The following LATS2 variants were observed in gnomAD, a reference collection of about 807,000 sequenced individuals.
LATS2 encodes serine/threonine-protein kinase LATS2.
Under a neutral mutation model 76.0 loss-of-function variants are expected in LATS2, and 24 were observed. The observed-to-expected ratio is 0.32, with a 90% CI of 0.23 to 0.44. LATS2 has a LOEUF of 0.44. LATS2 is among the 20% of genes least tolerant of loss of function. The pLI is 1.00. For missense variants in LATS2, 1,286 were observed against 1,481.2 expected, an observed-to-expected ratio of 0.87 and a Z score of 2.16; for synonymous variants, 692 against 635.4, an observed-to-expected ratio of 1.09 and a Z score of -1.34.
intron 2 of LATS2, among the ~76,000 whole-genome samples, chr13:20,993,351 T>C (rs1439142940): frequency 6.6e-6 from 1 of 152,224 alleles, no homozygotes; most frequent in Non-Finnish European, 1.5e-5. Context: ...AAGCACTTAT[T>C]GTCCATATAT....
chr13:20,989,697 G>T (rs1358047790), intron 3 of LATS2, among the ~76,000 whole-genome samples: 1 of 152,206 alleles, frequency 6.6e-6, no homozygotes. Context: ...GTGGGGGGCT[G>T]AGTTTACCGA....
chr13:20,983,279 A>G lies in LATS2; in HGVS notation c.2427T>C (p.Asp809=). Residue 809 remains aspartate (D), a synonymous_variant, in exon 5 of 8, where the codon GAT becomes GAC. Transcript: ENST00000382592. Reference sequence around the variant, plus strand: ...ACCTGAACCCAGTGCAGAGGCCGAAATCTGTGAGTTTAATGTGACCATCCA... The same window carrying G: ...ACCTGAACCCAGTGCAGAGGCCGAAGTCTGTGAGTTTAATGTGACCATCCA... ...IDLDGHIKLT[D]FGLCTGFRWT... is the part of the protein sequence containing the mutation. The G allele has an allele frequency of 6.2e-7, 1 of 1,613,958 alleles. No individual in the cohort carries two copies. Among genetic ancestry groups the G allele is most frequent in the Admixed American group, 1.7e-5 (1 of 59,986 alleles).
intron 4 of LATS2, among the ~76,000 whole-genome samples, chr13:20,986,803 T>C (rs1460203460): frequency 6.6e-6 from 1 of 152,194 alleles, no homozygotes; most frequent in African/African-American, 2.4e-5. Context: ...CACCAGGCAA[T>C]GGATACTCTA....
At chr13:21,029,835 G>A (rs750425852) in intron 2 of LATS2, among the ~76,000 whole-genome samples, 5 of 151,920 alleles carry the variant, frequency 3.3e-5, no homozygotes, top group Non-Finnish European at 7.4e-5. Flanking sequence ...AGTGGCTCAC[G>A]CCTGTAATCC....
At chr13:21,051,382 A>G (rs78602597) in intron 1 of LATS2, among the ~76,000 whole-genome samples, 2,349 of 152,322 alleles carry the variant, frequency 0.015, 74 homozygotes, top group African/African-American at 0.054. Flanking sequence ...ATGTGTCACA[A>G]TGAAAGTTTG....
chr13:21,049,754 G>T (rs1315785689), intron 1 of LATS2, among the ~76,000 whole-genome samples: 1 of 152,186 alleles, frequency 6.6e-6, no homozygotes, highest in East Asian at 1.9e-4. Flanking sequence ...GCAGAGCAAA[G>T]GGAGTTGGGG....
At chr13:20,999,863 CA>C (rs34389397) in intron 2 of LATS2, among the ~76,000 whole-genome samples, 65 of 136,170 alleles carry the variant, frequency 4.8e-4, no homozygotes, top group African/African-American at 9.5e-4. Flanking sequence ...ACTAAACATA[CA>C]AAAAAAAAAA....
At chr13:21,060,441 C>T (rs988595982) in intron 1 of LATS2, among the ~76,000 whole-genome samples, 6 of 152,248 alleles carry the variant, frequency 3.9e-5, no homozygotes, top group African/African-American at 1.4e-4. Flanking sequence ...CGCGTGGCCA[C>T]GAAAGCGCTC....
chr13:21,048,516 T>C (rs1333906209), intron 1 of LATS2, among the ~76,000 whole-genome samples: 1 of 152,118 alleles, frequency 6.6e-6, no homozygotes, highest in Admixed American at 6.6e-5. Flanking sequence ...ACCCTCTACC[T>C]ACCATACAAA....
rs188718735 is a variant in LATS2, at chr13:20,979,639, T to G, written c.2772+52A>C. 1.4e-5 allele frequency: 14 copies of G among 983,682 alleles called. No individual in the cohort carries two copies. In the African/African-American group the frequency reaches 2.2e-4, roughly 16 times the overall value. The allele number at this position is 983,682 out of a possible 1,614,324, so 60.9% of individuals were successfully genotyped here. ...TGCTGACCAAAGATTCATGGGTACA[T>G]GAGCAAATCAGATGTCTACAGCAAG... On this transcript the variant is annotated intron_variant, in intron 7 of 7. Transcript: ENST00000382592.
At chr13:21,040,112 C>G in intron 2 of LATS2, among the ~76,000 whole-genome samples, 1 of 151,498 alleles carries the variant, frequency 6.6e-6, no homozygotes, top group Non-Finnish European at 1.5e-5. Context: ...TCTGACCAGG[C>G]ATGGTGGCCC....
chr13:21,058,817 C>T (rs1005532021), intron 1 of LATS2, among the ~76,000 whole-genome samples: 1 of 152,056 alleles, frequency 6.6e-6, no homozygotes, highest in African/African-American at 2.4e-5. Context: ...TCTATACCTG[C>T]ATGAGACAAA....
rs1870004558 is a variant in LATS2, at chr13:20,983,620, T to C, written c.2086A>G (p.Met696Val). 2 of 1,614,184 alleles carry C rather than the reference T, an allele frequency of 1.2e-6. No homozygotes were observed. The highest frequency in any genetic ancestry group is 1.1e-5 in the South Asian group (1 of 91,090). Residue 696 changes from methionine (M) to valine (V), a missense_variant, in exon 5 of 8, where the codon ATG becomes GTG. By Grantham distance (21) the Met-to-Val change is conservative (BLOSUM62 1). Around this residue, in one of 5 missense-constraint regions of LATS2, gnomAD observed 247 missense variants for 385.4 expected, o/e 0.64. Transcript: ENST00000382592. ...ACATCCTTTTTCCTTAGGGTCTTCATGGCGTACAGGGCGTGAGTGTCCACC... is the reference window on the plus strand; with the variant it reads ...ACATCCTTTTTCCTTAGGGTCTTCACGGCGTACAGGGCGTGAGTGTCCACC... Reference protein sequence around the residue: ...CKVDTHALYAMKTLRKKDVLN... With the variant: ...CKVDTHALYAVKTLRKKDVLN...
Position 20,973,978 on chromosome 13 carries a change from C to A in LATS2, c.*892G>T, listed in dbSNP as rs912875984. 6 of 199,760 alleles carry A rather than the reference C, an allele frequency of 3.0e-5. No homozygotes were observed. The highest frequency in any genetic ancestry group is 9.6e-5 in the African/African-American group (4 of 41,510). The allele number at this position is 199,760 out of a possible 1,614,324, so 12.4% of individuals were successfully genotyped here. On this transcript the variant is annotated 3_prime_UTR_variant, in exon 8 of 8. Coordinates refer to ENST00000382592, the MANE Select transcript of LATS2 (RefSeq NM_014572.3). ...TATGACAAATGTTTCAGTTCCCCCC[C>A]CCCAAAGAATCCAATCACAACCAAG... is the stretch of plus-strand genomic sequence containing the variant.
At chr13:20,987,237 A>C (rs1217564027) in intron 4 of LATS2, among the ~76,000 whole-genome samples, 5 of 152,130 alleles carry the variant, frequency 3.3e-5, no homozygotes, top group Admixed American at 2.6e-4. Flanking sequence ...AAAAAACACA[A>C]ATGAAAAGTA....
In LATS2 at chr13:20,996,994, T is replaced by C. The variant is rs531252408; in HGVS notation, c.343-5590A>G. On this transcript the variant is annotated intron_variant, in intron 2 of 7. Coordinates refer to ENST00000382592, the MANE Select transcript of LATS2 (RefSeq NM_014572.3). Reference sequence around the variant, plus strand: ...AGGGGCCTGGCAGCCTCGTCTCTTCTGGAGAGCGGTGACATGCACTGCAGT... The same window carrying C: ...AGGGGCCTGGCAGCCTCGTCTCTTCCGGAGAGCGGTGACATGCACTGCAGT... 1.2e-4 allele frequency among the ~76,000 whole-genome samples: 19 copies of C among 152,348 alleles called. No homozygotes were observed. In the East Asian group the frequency reaches 3.5e-3, roughly 28 times the overall value.
At chr13:21,034,731 C>T (rs943890778) in intron 2 of LATS2, among the ~76,000 whole-genome samples, 3 of 139,518 alleles carry the variant, frequency 2.2e-5, no homozygotes, top group Non-Finnish European at 3.2e-5. Flanking sequence ...GGGCCGCTGC[C>T]GAGCCTACAC....
At chr13:21,019,331 AT>A (rs1871942243) in intron 2 of LATS2, among the ~76,000 whole-genome samples, 1 of 137,292 alleles carries the variant, frequency 7.3e-6, no homozygotes, top group East Asian at 2.0e-4. Context: ...TATTATTATT[AT>A]TATTATTATT....
chr13:21,049,093 A>C (rs1873173283), intron 1 of LATS2, among the ~76,000 whole-genome samples: 1 of 152,150 alleles, frequency 6.6e-6, no homozygotes, highest in Non-Finnish European at 1.5e-5. Flanking sequence ...TATGCAAAGA[A>C]GCCTTTAGGC....
Sources: allele counts gnomAD v4.1 joint callset (sites outside exome capture counted in the v4.1 genomes callset), GRCh38; gene constraint gnomAD v4.1.1; regional missense constraint gnomAD v4.1.1; transcripts MANE v1.5; gene names NCBI Gene and HGNC (gene_info 2026-07-23, HGNC 2026-07-21).